ATG2B: variants seen among roughly 807,000 people sequenced by gnomAD.
ATG2B encodes the protein autophagy-related protein 2 homolog B.
ATG2B carries 121 observed loss-of-function variants against 241.3 expected under a neutral mutation model. The observed-to-expected ratio is 0.50, with a 90% CI of 0.43 to 0.58. The LOEUF is 0.58. ATG2B is among the 20% of genes least tolerant of loss of function. The pLI is 0.00. For synonymous variants in ATG2B, 858 were observed against 876.6 expected, an observed-to-expected ratio of 0.98 and a Z score of 0.37; for missense variants, 2,306 against 2,491.6, an observed-to-expected ratio of 0.93 and a Z score of 1.59.
rs1268710122 is a variant in ATG2B, at chr14:96,316,577, T to C, written c.3317A>G (p.His1106Arg). 4 of 1,613,658 alleles carry C rather than the reference T, an allele frequency of 2.5e-6. No homozygotes were observed. The highest frequency in any genetic ancestry group is 2.5e-6 in the Non-Finnish European group (3 of 1,179,868). ...VTKYEGFDDK[H>R]YICLHSSSFS... Reference sequence around the variant, plus strand: ...ACTGCTAGAATGAAGGCAAATGTAGTGCTTGTCATCAAAACCTTCATATTT... The same window carrying C: ...ACTGCTAGAATGAAGGCAAATGTAGCGCTTGTCATCAAAACCTTCATATTT... The change falls in exon 21 of 42, where the codon CAC becomes CGC. Residue 1106 changes from histidine (H) to arginine (R), a missense_variant. By Grantham distance (29) the His-to-Arg change is conservative (BLOSUM62 0). Around this residue, in one of 2 missense-constraint regions of ATG2B, gnomAD observed 1,927 missense variants for 2,011.2 expected, o/e 0.96. Coordinates refer to ENST00000359933, the MANE Select transcript of ATG2B (RefSeq NM_018036.7).
intron 25 of ATG2B, among the ~76,000 whole-genome samples, chr14:96,312,802 G>C (rs1242882380): frequency 6.6e-6 from 1 of 152,038 alleles, no homozygotes; most frequent in African/African-American, 2.4e-5. Flanking sequence ...AGGTAGCATG[G>C]GAAGTTTACC....
At chr14:96,320,881 T>C (rs1038474674) in intron 18 of ATG2B, among the ~76,000 whole-genome samples, 1 of 152,174 alleles carries the variant, frequency 6.6e-6, no homozygotes, top group African/African-American at 2.4e-5. Context: ...TTTGAAACTG[T>C]AGATCATATA....
In ATG2B at chr14:96,315,232, T is replaced by C; in HGVS notation, c.3564A>G (p.Glu1188=). The C allele has an allele frequency of 6.2e-7, 1 of 1,613,618 alleles. No homozygotes were observed. The highest frequency in any genetic ancestry group is 8.5e-7 in the Non-Finnish European group (1 of 1,179,544). ...LSDKSESNTK[E]FLIAVGLKGA... ...CTTTCAGTCCTACGGCAATGAGAAA[T>C]TCCTATACAGAACAAGACAAAGAAT... Residue 1188 remains glutamate (E), a splice_region_variant and synonymous_variant, in exon 23 of 42, where the codon GAA becomes GAG. Coordinates refer to ENST00000359933, the MANE Select transcript of ATG2B (RefSeq NM_018036.7).
At position 96,295,158 on chromosome 14, in the gene ATG2B, G is replaced by C. The variant is rs761360035; in HGVS notation, c.5228C>G (p.Ser1743Cys). The C allele has an allele frequency of 1.9e-6, 3 of 1,613,842 alleles. No individual in the cohort carries two copies. The stretch of plus-strand genomic sequence containing the variant: ...ACTGCAGGTGACATCAGCTCCAGGA[G>C]ACTTTTTAACTGAAAATGTAATGTG... ...QMTPDPEVKKSPGADVTCSLP... is the reference protein window; with the variant it reads ...QMTPDPEVKKCPGADVTCSLP... Residue 1743 changes from serine (S) to cysteine (C), a missense_variant, in exon 36 of 42, where the codon TCT (serine) becomes TGT (cysteine). This residue lies in a region of ATG2B where 379 missense variants were observed against 480.4 expected (regional missense o/e 0.79). Coordinates refer to ENST00000359933, the MANE Select transcript of ATG2B (RefSeq NM_018036.7).
chr14:96,315,182 A>G lies in ATG2B; in HGVS notation c.3614T>C (p.Leu1205Pro), dbSNP rs954915900. 6.2e-6 allele frequency: 10 copies of G among 1,614,168 alleles called. No individual in the cohort carries two copies. Among genetic ancestry groups the G allele is most frequent in the Non-Finnish European group, 8.5e-6 (10 of 1,179,980 alleles). The change falls in exon 23 of 42, where the codon CTT (leucine) becomes CCT (proline). Residue 1205 changes from leucine (L) to proline (P), a missense_variant. Coordinates refer to ENST00000359933, the MANE Select transcript of ATG2B (RefSeq NM_018036.7). ...CTCATGCCAGCTAAGCCCAGAAGGA[A>G]GCATTCTATGCTGGAGAGTGGCTCC... ...LKGATLQHRM[L>P]PSGLSWHEQI... is the part of the protein sequence containing the mutation.
At chr14:96,330,742 C>T (rs10133274) in intron 11 of ATG2B, among the ~76,000 whole-genome samples, 4 of 152,120 alleles carry the variant, frequency 2.6e-5, no homozygotes, top group East Asian at 1.9e-4. Context: ...CCAGCCTGGA[C>T]GATGGAGTGA....
intron 41 of ATG2B, among the ~76,000 whole-genome samples, chr14:96,286,909 T>TTA (rs1886349279): frequency 6.6e-6 from 1 of 151,964 alleles, no homozygotes; most frequent in Non-Finnish European, 1.5e-5. Context: ...AACAAGAGCG[T>TTA]CCTATCTACC....
At chr14:96,286,728 T>G (rs2139832105) in intron 41 of ATG2B, among the ~76,000 whole-genome samples, 1 of 152,250 alleles carries the variant, frequency 6.6e-6, no homozygotes, top group African/African-American at 2.4e-5. Context: ...TTACCATTTA[T>G]CTAACTCAGA....
chr14:96,316,509 A>AACCAAGACACGTGTTT, intron 21 of ATG2B, 24 bp downstream of exon 21: 1 of 1,603,470 alleles, frequency 6.2e-7, no homozygotes, highest in South Asian at 1.1e-5. Flanking sequence ...AAAGAGAAGA[A>AACCAAGACACGTGTTT]ACCAAGACAC....
At chr14:96,291,326 A>T (rs968596088) in intron 38 of ATG2B, among the ~76,000 whole-genome samples, 1 of 152,184 alleles carries the variant, frequency 6.6e-6, no homozygotes, top group Non-Finnish European at 1.5e-5. Flanking sequence ...AGAACTTCCA[A>T]TCTTTTCACT....
chr14:96,291,756 TGAA>T, intron 37 of ATG2B, 74 bp from the exon 38 acceptor site: 1 of 1,128,624 alleles, frequency 8.9e-7, no homozygotes, highest in Non-Finnish European at 1.3e-6. Context: ...ATTGTTATTT[TGAA>T]AGTCAAAGCA....
intron 34 of ATG2B, among the ~76,000 whole-genome samples, chr14:96,300,046 T>C (rs976303156): frequency 3.3e-5 from 5 of 152,204 alleles, no homozygotes; most frequent in African/African-American, 9.7e-5. Flanking sequence ...TACATATTTG[T>C]GGTGTGGCTT....
Position 96,303,108 on chromosome 14 carries a change from A to G in ATG2B, c.4990T>C (p.Tyr1664His). ...GGCATTTCTTTACTGCAATACAGGTATAAAAATTTATTCATTTGTGATGTT... is the reference window on the plus strand; with the variant it reads ...GGCATTTCTTTACTGCAATACAGGTGTAAAAATTTATTCATTTGTGATGTT... Reference protein sequence around the residue: ...LATSQMNKFLYLYCSKEMPRK... With the variant: ...LATSQMNKFLHLYCSKEMPRK... Residue 1664 changes from tyrosine (Y) to histidine (H), a missense_variant, in exon 33 of 42, where the codon TAC becomes CAC. Coordinates refer to ENST00000359933, the MANE Select transcript of ATG2B (RefSeq NM_018036.7). The G allele has an allele frequency of 6.2e-7, 1 of 1,612,006 alleles. No homozygotes were observed. Among genetic ancestry groups the G allele is most frequent in the Non-Finnish European group, 8.5e-7 (1 of 1,179,094 alleles).
At chr14:96,330,198 G>GA (rs376106599) in intron 11 of ATG2B, among the ~76,000 whole-genome samples, 1 of 144,590 alleles carries the variant, frequency 6.9e-6, no homozygotes, top group Admixed American at 6.9e-5. Context: ...AAAAATACAA[G>GA]AAAAAAAAAG....
intron 8 of ATG2B, among the ~76,000 whole-genome samples, chr14:96,333,461 A>G (rs1887791736): frequency 6.6e-6 from 1 of 152,164 alleles, no homozygotes; most frequent in African/African-American, 2.4e-5. Flanking sequence ...TTAGAAAACA[A>G]AACTACACAA....
intron 18 of ATG2B, among the ~76,000 whole-genome samples, chr14:96,319,061 G>A (rs910724195): frequency 1.3e-5 from 2 of 152,186 alleles, no homozygotes; most frequent in African/African-American, 4.8e-5. Context: ...CGTAAAGCCT[G>A]GTGTGAATAC....
chr14:96,346,102 T>C (rs894471566), intron 2 of ATG2B, among the ~76,000 whole-genome samples: 8 of 152,164 alleles, frequency 5.3e-5, no homozygotes, highest in African/African-American at 1.9e-4. Context: ...TATTTCCTTC[T>C]AGCTGAGAAA....
At chr14:96,304,334 T>C (rs1285009089) in intron 32 of ATG2B, among the ~76,000 whole-genome samples, 161 bp downstream of exon 32, 1 of 152,204 alleles carries the variant, frequency 6.6e-6, no homozygotes, top group Non-Finnish European at 1.5e-5. Flanking sequence ...TCTTAGAACA[T>C]TTGAGAATGA....
chr14:96,298,436 A>G (rs1886706143), intron 34 of ATG2B, among the ~76,000 whole-genome samples: 1 of 152,230 alleles, frequency 6.6e-6, no homozygotes, highest in African/African-American at 2.4e-5. Flanking sequence ...GTATTTATTC[A>G]ACCAAGAGAA....
Sources: allele counts gnomAD v4.1 joint callset (sites outside exome capture counted in the v4.1 genomes callset), GRCh38; gene constraint gnomAD v4.1.1; regional missense constraint gnomAD v4.1.1; transcripts MANE v1.5; gene names NCBI Gene and HGNC (gene_info 2026-07-23, HGNC 2026-07-21).